SPAG16: variants seen among roughly 807,000 people sequenced by gnomAD.
SPAG16 encodes sperm associated antigen 16, also known as sperm-associated antigen 16 protein.
SPAG16 carries 86 observed loss-of-function variants against 80.4 expected under a neutral mutation model. The observed-to-expected ratio is 1.07, with a 90% CI of 0.90 to 1.28. The LOEUF (loss-of-function observed/expected upper bound fraction) is 1.28. Among genes scored for constraint, SPAG16 ranks in the 50% most tolerant of loss-of-function variants. The pLI is 0.00. For synonymous variants in SPAG16, 294 were observed against 265.9 expected, an observed-to-expected ratio of 1.11 and a Z score of -1.03; for missense variants, 870 against 765.3, an observed-to-expected ratio of 1.14 and a Z score of -1.61.
At chr2:213,755,003 C>T (rs2068256757) in intron 10 of SPAG16, among the ~76,000 whole-genome samples, 1 of 152,128 alleles carries the variant, frequency 6.6e-6, no homozygotes, top group Non-Finnish European at 1.5e-5. Flanking sequence ...TATTGAATCT[C>T]TAAATGTCTA....
At chr2:213,642,848 A>AAAAAAAAAAAAAAAAAAG (rs1559337090) in intron 10 of SPAG16, among the ~76,000 whole-genome samples, 2 of 137,070 alleles carry the variant, frequency 1.5e-5, no homozygotes, top group Non-Finnish European at 3.1e-5. Flanking sequence ...AAAAAAAAAA[A>AAAAAAAAAAAAAAAAAAG]AGAGAGACTG....
At chr2:214,360,887 C>G (rs903973138) in intron 15 of SPAG16, among the ~76,000 whole-genome samples, 3 of 151,628 alleles carry the variant, frequency 2.0e-5, no homozygotes, top group Non-Finnish European at 2.9e-5. Context: ...AAGAAAAAAG[C>G]GAGGAATGTA....
intron 15 of SPAG16, among the ~76,000 whole-genome samples, chr2:214,309,920 C>T (rs1206445723): frequency 2.6e-5 from 4 of 152,158 alleles, no homozygotes; most frequent in African/African-American, 9.7e-5. Context: ...TGTGCTGTTG[C>T]ACTAGAGGTG....
At chr2:213,993,975 A>G (rs17761193) in intron 12 of SPAG16, among the ~76,000 whole-genome samples, 19,523 of 152,194 alleles carry the variant, frequency 0.13, 1,734 homozygotes, top group Non-Finnish European at 0.19. Flanking sequence ...ATGAGAGGTA[A>G]AAAGCACATG....
At chr2:213,905,858 AG>A in intron 11 of SPAG16, among the ~76,000 whole-genome samples, 1 of 152,184 alleles carries the variant, frequency 6.6e-6, no homozygotes, top group East Asian at 1.9e-4. Flanking sequence ...GTCATGGGCA[AG>A]CCATGGGAAT....
At chr2:213,475,116 G>A (rs141768868) in intron 9 of SPAG16, among the ~76,000 whole-genome samples, 63 of 152,252 alleles carry the variant, frequency 4.1e-4, no homozygotes, top group East Asian at 1.5e-3. Flanking sequence ...GCTTCTCAGC[G>A]GTAGTCAGGA....
intron 15 of SPAG16, among the ~76,000 whole-genome samples, chr2:214,182,225 C>A (rs773718658): frequency 5.3e-5 from 8 of 151,190 alleles, no homozygotes; most frequent in Non-Finnish European, 1.0e-4. Flanking sequence ...TATTCCATAC[C>A]AGATAACAAG....
intron 10 of SPAG16, among the ~76,000 whole-genome samples, chr2:213,542,469 A>G (rs1373935447): frequency 6.6e-6 from 1 of 152,142 alleles, no homozygotes; most frequent in East Asian, 1.9e-4. Context: ...GTTTTTATTT[A>G]CTTCTTTCTT....
intron 6 of SPAG16, among the ~76,000 whole-genome samples, chr2:213,347,236 C>G (rs1219384897): frequency 6.6e-6 from 1 of 152,052 alleles, no homozygotes; most frequent in Admixed American, 6.6e-5. Context: ...GTGATATCCC[C>G]TTTATCATTT....
intron 10 of SPAG16, among the ~76,000 whole-genome samples, chr2:213,726,842 G>A (rs561208640): frequency 2.0e-4 from 30 of 152,200 alleles, no homozygotes; most frequent in Non-Finnish European, 3.8e-4. Flanking sequence ...AAAGACAAAT[G>A]TCAGATTATT....
chr2:214,281,776 C>T (rs1692959054), intron 15 of SPAG16, among the ~76,000 whole-genome samples: 1 of 152,094 alleles, frequency 6.6e-6, no homozygotes, highest in Admixed American at 6.5e-5. Flanking sequence ...TAGTCAAAAA[C>T]TAGAAATAAC....
At chr2:214,035,026 T>C (rs2048615206) in intron 13 of SPAG16, among the ~76,000 whole-genome samples, 1 of 152,116 alleles carries the variant, frequency 6.6e-6, no homozygotes, top group African/African-American at 2.4e-5. Context: ...AGCTTTATTG[T>C]GTGATGTAAC....
intron 15 of SPAG16, among the ~76,000 whole-genome samples, chr2:214,329,723 G>T (rs1261172683): frequency 6.6e-6 from 1 of 152,132 alleles, no homozygotes; most frequent in Admixed American, 6.5e-5. Flanking sequence ...TTCTGTTGAA[G>T]CCCTACCTTC....
At chr2:213,830,791 C>A (rs13433055) in intron 10 of SPAG16, among the ~76,000 whole-genome samples, 2 of 152,074 alleles carry the variant, frequency 1.3e-5, no homozygotes, top group African/African-American at 2.4e-5. Flanking sequence ...TTTTCCATCA[C>A]AAATTTCCCA....
At chr2:213,636,042 GT>G (rs1347204996) in intron 10 of SPAG16, among the ~76,000 whole-genome samples, 1 of 152,176 alleles carries the variant, frequency 6.6e-6, no homozygotes, top group African/African-American at 2.4e-5. Flanking sequence ...GTCTAAAAGA[GT>G]TTTTCCAATG....
chr2:213,882,163 C>T (rs1406248495), intron 11 of SPAG16, among the ~76,000 whole-genome samples: 1 of 152,142 alleles, frequency 6.6e-6, no homozygotes, highest in Non-Finnish European at 1.5e-5. Context: ...ATCAGCCTTG[C>T]ATTACAGGAA....
At chr2:213,525,417 T>C (rs1368134670) in intron 10 of SPAG16, among the ~76,000 whole-genome samples, 1 of 151,318 alleles carries the variant, frequency 6.6e-6, no homozygotes, top group Non-Finnish European at 1.5e-5. Flanking sequence ...GCCTCCCAAG[T>C]AGCTGGGACT....
At chr2:213,404,169 G>C (rs2125353776) in intron 9 of SPAG16, among the ~76,000 whole-genome samples, 1 of 152,200 alleles carries the variant, frequency 6.6e-6, no homozygotes, top group Admixed American at 6.5e-5. Flanking sequence ...TCCCCATCAA[G>C]CTACCAATGA....
At chr2:214,162,786 C>A (rs554067004) in intron 15 of SPAG16, among the ~76,000 whole-genome samples, 2 of 151,986 alleles carry the variant, frequency 1.3e-5, no homozygotes, top group Non-Finnish European at 2.9e-5. Context: ...AAAAAGTATC[C>A]ATTGAGTTTT....
Sources: gnomAD v4.1 joint callset for allele counts (sites outside exome capture counted in the v4.1 genomes callset) on GRCh38, gnomAD v4.1.1 for gene constraint, MANE v1.5 for transcripts, NCBI Gene and HGNC (gene_info 2026-07-23, HGNC 2026-07-21) for gene names.